The following ADAMTS9 variants were observed in gnomAD, a reference collection of about 807,000 sequenced individuals.
ADAMTS9 encodes ADAM metallopeptidase with thrombospondin type 1 motif 9.
In ADAMTS9, 107 loss-of-function variants were observed where a neutral mutation model predicts 257.1. That is an observed-to-expected ratio of 0.42 (90% CI 0.36 to 0.49). The LOEUF (loss-of-function observed/expected upper bound fraction) is 0.49, where lower values mean the gene tolerates loss of function less well. Ranked by LOEUF, ADAMTS9 falls within the 20% of genes least tolerant of loss-of-function variation. The pLI is 0.03. For synonymous variants in ADAMTS9, 982 were observed against 880.9 expected (o/e 1.11, Z -2.03); for missense variants, 2,353 against 2,469.1 (o/e 0.95, Z 1.00).
At chr3:64,638,799 A>G (rs1176914144) in intron 12 of ADAMTS9, among the ~76,000 whole-genome samples, 1 of 152,094 alleles carries the variant, frequency 6.6e-6, no homozygotes. Context: ...GGGGGAAAAA[A>G]ACTCTTAAGA....
chr3:64,566,671 C>T (rs1234537839), intron 29 of ADAMTS9, among the ~76,000 whole-genome samples: 1 of 151,992 alleles, frequency 6.6e-6, no homozygotes, highest in Non-Finnish European at 1.5e-5. Context: ...TGAATATTGG[C>T]TTTTAACATG....
chr3:64,663,107 G>T (rs560432914), intron 3 of ADAMTS9, among the ~76,000 whole-genome samples: 1 of 152,220 alleles, frequency 6.6e-6, no homozygotes, highest in African/African-American at 2.4e-5. Context: ...ATGGAGTGGG[G>T]AGATGGGAGT....
In ADAMTS9 at chr3:64,686,720, G is replaced by A. The variant is rs1363371468; in HGVS notation, c.364C>T (p.Pro122Ser). 1.9e-6 allele frequency: 3 copies of A among 1,614,214 alleles called. No homozygotes were observed. Among genetic ancestry groups the A allele is most frequent in the African/African-American group, 2.7e-5 (2 of 75,056 alleles). Residue 122 changes from proline (P) to serine (S), a missense_variant, in exon 2 of 40, where the codon CCA becomes TCA. By Grantham distance (74) the Pro-to-Ser change is moderately conservative. Coordinates refer to ENST00000498707, the MANE Select transcript of ADAMTS9 (RefSeq NM_182920.2). This position sits in a 1 kb window ranked among gnomAD's most constrained non-coding sequence, Gnocchi z 4.6. ...CCGAGGAGGGTGACAGTGAACAGTGGAGCGATAAATCCGGCATTGGCGGTG... is the reference window on the plus strand; with the variant it reads ...CCGAGGAGGGTGACAGTGAACAGTGAAGCGATAAATCCGGCATTGGCGGTG... ...NLTANAGFIA[P>S]LFTVTLLGTP...
intron 3 of ADAMTS9, among the ~76,000 whole-genome samples, chr3:64,661,690 C>T (rs991723173): frequency 6.6e-6 from 1 of 152,036 alleles, no homozygotes; most frequent in Admixed American, 6.6e-5. Context: ...AAAGACAGTG[C>T]CTGGTGGATA....
In ADAMTS9 at chr3:64,576,855, G is replaced by C. The variant is rs184218868; in HGVS notation, c.4357-8320C>G. ...TGCTGTCAATATGAGAACCAAGTAG[G>C]TGGCCCTGCATATGCTTAGTAAGGG... On this transcript the variant is annotated intron_variant, in intron 28 of 39. Coordinates refer to ENST00000498707, the MANE Select transcript of ADAMTS9 (RefSeq NM_182920.2). Among the ~76,000 whole-genome samples, 11 of 152,222 alleles carry C rather than the reference G, an allele frequency of 7.2e-5. No individual in the cohort carries two copies. The East Asian group carries it at 2.1e-3, about 29-fold the overall frequency.
chr3:64,571,529 C>T (rs2083684539), intron 28 of ADAMTS9, among the ~76,000 whole-genome samples: 2 of 152,178 alleles, frequency 1.3e-5, no homozygotes, highest in Non-Finnish European at 2.9e-5. Context: ...AATGCCTTAT[C>T]TTTTCACTAT....
intron 28 of ADAMTS9, among the ~76,000 whole-genome samples, chr3:64,593,944 G>A (rs1035530692): frequency 1.8e-5 from 2 of 112,776 alleles, no homozygotes; most frequent in Non-Finnish European, 3.2e-5. Context: ...AAATCACTAT[G>A]TATGTGTGTG....
At chr3:64,571,815 C>T (rs1344950989) in intron 28 of ADAMTS9, among the ~76,000 whole-genome samples, 1 of 152,146 alleles carries the variant, frequency 6.6e-6, no homozygotes, top group East Asian at 1.9e-4. Flanking sequence ...CTACTATGAC[C>T]TGATAGAGGG....
intron 29 of ADAMTS9, among the ~76,000 whole-genome samples, chr3:64,566,953 T>C (rs17071097): frequency 0.01 from 1,538 of 151,962 alleles, 33 homozygotes; most frequent in African/African-American, 0.033. Context: ...GCCTTGAATA[T>C]GCTCCCCGAA....
At chr3:64,551,727 G>C (rs979244456) in intron 30 of ADAMTS9, among the ~76,000 whole-genome samples, 1 of 152,150 alleles carries the variant, frequency 6.6e-6, no homozygotes, top group East Asian at 1.9e-4. Flanking sequence ...CAGGATCAGG[G>C]ACATCAGTAC....
chr3:64,521,721 T>C (rs1221769481), intron 39 of ADAMTS9: 3 of 152,866 alleles, frequency 2.0e-5, no homozygotes, highest in African/African-American at 7.2e-5. Context: ...CTCTTGCTTA[T>C]AAGTGGGAGT....
rs757863712 is a variant in ADAMTS9, at chr3:64,655,614, T to A, written c.1131A>T (p.Pro377=). ...CAGCAGTATCATGATGGATTCCACC[T>A]GGACTGTTCTTCGAATGCTGCCACT... ...FCQWQHSKNS[P]GGIHHDTAVL... is the part of the protein sequence containing the mutation. Residue 377 remains proline, a synonymous_variant, in exon 6 of 40, where the codon CCA becomes CCT. Transcript: ENST00000498707. 10 of 1,614,174 alleles carry A rather than the reference T, an allele frequency of 6.2e-6. No individual in the cohort carries two copies. In the Admixed American group the frequency reaches 1.2e-4, roughly 19 times the overall value.
At chr3:64,570,226 A>G (rs929021569) in intron 28 of ADAMTS9, among the ~76,000 whole-genome samples, 5 of 152,228 alleles carry the variant, frequency 3.3e-5, no homozygotes, top group African/African-American at 1.2e-4. Context: ...AACAAAATTG[A>G]CAAGTCTCTG....
rs1305889240 is a variant in ADAMTS9, at chr3:64,516,657, G to T, written c.*470C>A. The T allele has an allele frequency of 6.6e-6, 1 of 152,498 alleles. No homozygotes were observed. Among genetic ancestry groups the T allele is most frequent in the Non-Finnish European group, 1.5e-5 (1 of 68,014 alleles). The allele number at this position is 152,498 out of a possible 1,614,324, so 9.4% of individuals were successfully genotyped here. A position where few individuals can be genotyped will look rare whatever the true frequency, so the allele number is the denominator to read the frequency against. The stretch of plus-strand genomic sequence containing the variant: ...CTAACATACTTATTGGCTGATACTT[G>T]CCTAGAAATGCCAAAAATATCTTTT... On this transcript the variant is annotated 3_prime_UTR_variant, in exon 40 of 40. Transcript: ENST00000498707.
Position 64,655,616 on chromosome 3 carries a change from G to A in ADAMTS9, c.1129C>T (p.Pro377Ser), listed in dbSNP as rs1314564514. 1 of 1,613,938 alleles carries A rather than the reference G, an allele frequency of 6.2e-7. No individual in the cohort carries two copies. The highest frequency in any genetic ancestry group is 1.3e-5 in the African/African-American group (1 of 74,894). ...FCQWQHSKNSPGGIHHDTAVL... is the reference protein window; with the variant it reads ...FCQWQHSKNSSGGIHHDTAVL... ...GCAGTATCATGATGGATTCCACCTG[G>A]ACTGTTCTTCGAATGCTGCCACTGG... is the stretch of plus-strand genomic sequence containing the variant. Residue 377 changes from proline to serine, a missense_variant, in exon 6 of 40, where the codon CCA (proline) becomes TCA (serine). Around this residue, in one of 3 missense-constraint regions of ADAMTS9, gnomAD observed 591 missense variants for 569.6 expected, o/e 1.04. Coordinates refer to ENST00000498707, the MANE Select transcript of ADAMTS9 (RefSeq NM_182920.2).
intron 3 of ADAMTS9, among the ~76,000 whole-genome samples, chr3:64,669,981 G>C (rs930771674): frequency 6.6e-6 from 1 of 152,144 alleles, no homozygotes; most frequent in Admixed American, 6.5e-5. Flanking sequence ...CAAAGATACC[G>C]CTGGAAAAGC....
intron 12 of ADAMTS9, among the ~76,000 whole-genome samples, chr3:64,634,543 C>T (rs905735329): frequency 6.6e-6 from 1 of 152,230 alleles, no homozygotes; most frequent in Non-Finnish European, 1.5e-5. Flanking sequence ...TGGCATACGC[C>T]TTGCAAAGCA....
intron 28 of ADAMTS9, chr3:64,584,074 G>C: frequency 6.6e-6 from 1 of 152,134 alleles, no homozygotes; most frequent in East Asian, 1.9e-4. Flanking sequence ...ATTTCACCAA[G>C]AAAGGACACA....
At chr3:64,653,671 C>A (rs1472725526) in intron 8 of ADAMTS9, among the ~76,000 whole-genome samples, 8 of 152,190 alleles carry the variant, frequency 5.3e-5, no homozygotes, top group African/African-American at 1.9e-4. Context: ...GTAATTTAAT[C>A]ATCCTAGAAA....
Sources: gnomAD v4.1 joint callset for allele counts (sites outside exome capture counted in the v4.1 genomes callset) on GRCh38, gnomAD v4.1.1 for gene constraint, gnomAD v4.1.1 regional missense constraint, Gnocchi (gnomAD v3.1) non-coding constraint, MANE v1.5 for transcripts, NCBI Gene and HGNC (gene_info 2026-07-23, HGNC 2026-07-21) for gene names.